The following PRR5L variants were observed in gnomAD, a reference collection of about 807,000 sequenced individuals.
PRR5L encodes proline rich 5 like, also known as proline-rich protein 5-like.
PRR5L carries 21 observed loss-of-function variants against 36.4 expected under a neutral mutation model. The ratio of observed to expected loss-of-function variants is 0.58; its 90% CI spans 0.41 to 0.83. PRR5L has a LOEUF of 0.83. Ranked by LOEUF, PRR5L falls within the 40% of genes least tolerant of loss-of-function variation. The pLI, the probability that PRR5L is intolerant of heterozygous loss-of-function variation, is 0.00. For missense variants in PRR5L, 381 were observed against 473.3 expected, an observed-to-expected ratio of 0.80 and a Z score of 1.81; for synonymous variants, 188 against 197.0, an observed-to-expected ratio of 0.95 and a Z score of 0.38.
At chr11:36,346,242 T>C (rs940123652) in intron 1 of PRR5L, among the ~76,000 whole-genome samples, 43 of 152,286 alleles carry the variant, frequency 2.8e-4, no homozygotes, top group Admixed American at 2.3e-3. Flanking sequence ...CCTAAAGTGC[T>C]GGCATTACAG....
intron 6 of PRR5L, 38 bp downstream of exon 6, chr11:36,437,514 C>A (rs757237050): frequency 1.5e-6 from 2 of 1,304,676 alleles, no homozygotes; most frequent in Non-Finnish European, 2.2e-6. Context: ...CCATCCTCAG[C>A]GATCTGTCTT....
chr11:36,334,124 C>T (rs1856746467), intron 1 of PRR5L, among the ~76,000 whole-genome samples: 1 of 152,134 alleles, frequency 6.6e-6, no homozygotes, highest in African/African-American at 2.4e-5. Context: ...GGCAATTCTT[C>T]TCACATGCCA....
intron 1 of PRR5L, among the ~76,000 whole-genome samples, chr11:36,332,742 C>T (rs962083645): frequency 6.6e-6 from 1 of 152,014 alleles, no homozygotes; most frequent in African/African-American, 2.4e-5. Context: ...GTTTAAAGAG[C>T]CTGGCACCTC....
intron 1 of PRR5L, among the ~76,000 whole-genome samples, chr11:36,364,004 G>C (rs184887987): frequency 1.6e-3 from 247 of 152,280 alleles, no homozygotes; most frequent in Non-Finnish European, 3.0e-3. Context: ...TAAGGCACCT[G>C]CATGTTCTTG....
At chr11:36,318,584 A>G (rs745522343) in intron 1 of PRR5L, among the ~76,000 whole-genome samples, 25 of 152,190 alleles carry the variant, frequency 1.6e-4, no homozygotes, top group Non-Finnish European at 2.1e-4. Context: ...AGTTTAATCT[A>G]TTTGCTTGTC....
At chr11:36,300,903 T>G (rs539776950) in intron 1 of PRR5L, 14 of 152,504 alleles carry the variant, frequency 9.2e-5, no homozygotes, top group South Asian at 6.2e-4. Flanking sequence ...GCTGTCTCCG[T>G]CCAGTGAGGA....
intron 3 of PRR5L, among the ~76,000 whole-genome samples, chr11:36,407,588 A>G (rs1356166227): frequency 6.6e-6 from 1 of 152,216 alleles, no homozygotes; most frequent in Non-Finnish European, 1.5e-5. Flanking sequence ...TCAGTTCTCC[A>G]TTCTACTGAA....
chr11:36,346,355 G>T (rs1187090549), intron 1 of PRR5L, among the ~76,000 whole-genome samples: 1 of 152,080 alleles, frequency 6.6e-6, no homozygotes, highest in Admixed American at 6.6e-5. Context: ...AGGCTGAGGC[G>T]GGTGGATCAC....
At chr11:36,328,420 A>G (rs1856686467) in intron 1 of PRR5L, among the ~76,000 whole-genome samples, 1 of 152,040 alleles carries the variant, frequency 6.6e-6, no homozygotes, top group African/African-American at 2.4e-5. Flanking sequence ...AGTTCCCACA[A>G]GATTTGGTTG....
chr11:36,431,006 A>T (rs1249998461), intron 4 of PRR5L, among the ~76,000 whole-genome samples: 1 of 152,192 alleles, frequency 6.6e-6, no homozygotes, highest in Non-Finnish European at 1.5e-5. Context: ...ATCTAATAAT[A>T]TGACATGAGT....
At chr11:36,405,855 G>C (rs1434206227) in intron 3 of PRR5L, among the ~76,000 whole-genome samples, 1 of 152,146 alleles carries the variant, frequency 6.6e-6, no homozygotes. Context: ...TTTTGTACTT[G>C]ATGGGGAGAG....
At chr11:36,353,992 A>C (rs578236789) in intron 1 of PRR5L, among the ~76,000 whole-genome samples, 3 of 152,332 alleles carry the variant, frequency 2.0e-5, no homozygotes, top group Non-Finnish European at 2.9e-5. Flanking sequence ...CAAAGAATCA[A>C]TAGTCAGAAG....
intron 7 of PRR5L, among the ~76,000 whole-genome samples, chr11:36,448,436 C>T (rs1041378328): frequency 6.6e-6 from 1 of 152,140 alleles, no homozygotes; most frequent in Non-Finnish European, 1.5e-5. Context: ...CTTGGCTTCT[C>T]CTGGCTGCCG....
At chr11:36,343,402 T>C (rs192312398) in intron 1 of PRR5L, among the ~76,000 whole-genome samples, 1 of 152,304 alleles carries the variant, frequency 6.6e-6, no homozygotes, top group Admixed American at 6.5e-5. Context: ...GAGGATTTCT[T>C]TGTTGCCTGA....
intron 1 of PRR5L, among the ~76,000 whole-genome samples, chr11:36,390,289 C>T (rs564114141): frequency 6.6e-6 from 1 of 152,098 alleles, no homozygotes; most frequent in Admixed American, 6.6e-5. Flanking sequence ...ATAGAGGCCA[C>T]AGCACATGGA....
At position 36,377,103 on chromosome 11, in the gene PRR5L, G is replaced by T. The variant is rs1021877633; in HGVS notation, c.-125-23894G>T. Among the ~76,000 whole-genome samples, 1 of 152,212 alleles carries T rather than the reference G, an allele frequency of 6.6e-6. No individual in the cohort carries two copies. The highest frequency in any genetic ancestry group is 2.1e-4 in the South Asian group (1 of 4,832). ...GACTCTCTCGTTCTCCCTCTGGGGG[G>T]CAAATCTAAAGAGCTGACCCCGCTT... On this transcript the variant is annotated intron_variant, in intron 1 of 8. Coordinates refer to ENST00000530639, the MANE Select transcript of PRR5L (RefSeq NM_001160167.2). This position sits in a 1 kb window ranked among gnomAD's most constrained non-coding sequence, Gnocchi z 5.1.
intron 1 of PRR5L, among the ~76,000 whole-genome samples, chr11:36,299,867 A>G (rs1856355802): frequency 6.6e-6 from 1 of 152,156 alleles, no homozygotes; most frequent in African/African-American, 2.4e-5. Context: ...GCAGAAAACT[A>G]TAAAGGTAAA....
chr11:36,303,796 A>T (rs1012795436), intron 1 of PRR5L, among the ~76,000 whole-genome samples: 2 of 152,212 alleles, frequency 1.3e-5, no homozygotes, highest in Admixed American at 6.5e-5. Flanking sequence ...CAATAGAACG[A>T]ACAATACATG....
Position 36,355,004 on chromosome 11 carries a change from T to C in PRR5L, c.-125-45993T>C, listed in dbSNP as rs188544442. On this transcript the variant is annotated intron_variant, in intron 1 of 8. Transcript: ENST00000530639. ...GGAGAAAATGCTGCTTGGAGATGAT[T>C]GTTGTAAGCCATAGGCATTCCGTGA... Among the ~76,000 whole-genome samples, 101 of 152,236 alleles carry C rather than the reference T, an allele frequency of 6.6e-4. 1 individual carries two copies. The highest frequency in any genetic ancestry group is 1.2e-3 in the Non-Finnish European group (80 of 68,006).
Sources: allele counts gnomAD v4.1 joint callset (sites outside exome capture counted in the v4.1 genomes callset), GRCh38; gene constraint gnomAD v4.1.1; non-coding constraint Gnocchi (gnomAD v3.1); transcripts MANE v1.5; gene names NCBI Gene and HGNC (gene_info 2026-07-23, HGNC 2026-07-21).